Variants in CWH43 observed in about 807,000 individuals in gnomAD.
The protein encoded by CWH43 is cell wall biogenesis 43 C-terminal homolog.
A neutral mutation model predicts 85.7 loss-of-function variants in CWH43; 91 were observed. The observed-to-expected ratio is 1.06, with a 90% CI of 0.90 to 1.26. The LOEUF is 1.26. Ranked by LOEUF, CWH43 falls within the 50% of genes most tolerant of loss-of-function variation. The probability of loss-of-function intolerance (pLI) is 0.00; values close to 1 mark genes in which losing one functional copy is unlikely to be tolerated. For missense variants in CWH43, 869 were observed against 839.2 expected (o/e 1.04, Z -0.44); for synonymous variants, 323 against 293.6 (o/e 1.10, Z -1.02).
intron 15 of CWH43, among the ~76,000 whole-genome samples, chr4:49,060,333 G>A (rs145745905): frequency 3.3e-5 from 5 of 152,202 alleles, no homozygotes; most frequent in Admixed American, 6.5e-5. Context: ...GTTCTGGCCT[G>A]GAATCTGGGG....
intron 9 of CWH43, among the ~76,000 whole-genome samples, chr4:49,019,024 G>A (rs1255759416): frequency 3.3e-5 from 5 of 152,162 alleles, no homozygotes; most frequent in African/African-American, 4.8e-5. Flanking sequence ...ATTTGAATTG[G>A]ATTTAATACC....
intron 15 of CWH43, among the ~76,000 whole-genome samples, chr4:49,053,586 C>T (rs1784862719): frequency 6.6e-6 from 1 of 152,078 alleles, no homozygotes; most frequent in South Asian, 2.1e-4. Context: ...TGGATGTCTT[C>T]TTTTGAGAAA....
intron 9 of CWH43, among the ~76,000 whole-genome samples, chr4:49,024,746 T>C (rs1783853818): frequency 6.6e-6 from 1 of 152,194 alleles, no homozygotes; most frequent in East Asian, 1.9e-4. Flanking sequence ...TTTTTCTTTA[T>C]AGGTTACCTG....
chr4:49,050,081 C>T (rs1046565032), intron 14 of CWH43, among the ~76,000 whole-genome samples: 2 of 152,032 alleles, frequency 1.3e-5, no homozygotes, highest in Non-Finnish European at 2.9e-5. Flanking sequence ...TGAAGCTGAC[C>T]TAAGTCTTTT....
chr4:48,997,660 C>G (rs1333530321), intron 5 of CWH43, among the ~76,000 whole-genome samples: 1 of 152,136 alleles, frequency 6.6e-6, no homozygotes, highest in Non-Finnish European at 1.5e-5. Context: ...ATTTTAGATT[C>G]TTAGTCCTAT....
intron 12 of CWH43, among the ~76,000 whole-genome samples, chr4:49,036,819 G>A (rs1784275431): frequency 6.6e-6 from 1 of 152,126 alleles, no homozygotes. Context: ...GCTTCCTCTG[G>A]TGTCTCTGGG....
chr4:49,049,908 C>T (rs531785002), intron 14 of CWH43, among the ~76,000 whole-genome samples: 10 of 152,302 alleles, frequency 6.6e-5, no homozygotes, highest in African/African-American at 1.7e-4. Flanking sequence ...TTATTGTAAA[C>T]ATACATATGT....
intron 8 of CWH43, among the ~76,000 whole-genome samples, chr4:49,009,316 C>T (rs1283261276): frequency 1.3e-5 from 2 of 152,182 alleles, no homozygotes; most frequent in Non-Finnish European, 2.9e-5. Context: ...GATTTTTGCA[C>T]ACTGATTTTG....
intron 13 of CWH43, among the ~76,000 whole-genome samples, chr4:49,040,625 T>C (rs1434921256): frequency 6.6e-6 from 1 of 152,236 alleles, no homozygotes. Context: ...TTGAGTTCAT[T>C]GTAGATTCTG....
At chr4:49,022,353 A>G (rs1037065544) in intron 9 of CWH43, among the ~76,000 whole-genome samples, 1 of 152,148 alleles carries the variant, frequency 6.6e-6, no homozygotes, top group African/African-American at 2.4e-5. Flanking sequence ...TATCACATTT[A>G]TTGACTTACT....
chr4:48,994,759 CTT>C lies in CWH43; in HGVS notation c.653_654del (p.Leu218ArgfsTer17), dbSNP rs774042614. On this transcript the variant is annotated frameshift_variant, in exon 5 of 16. Coordinates refer to ENST00000226432, the MANE Select transcript of CWH43 (RefSeq NM_025087.3). LOFTEE classifies it high-confidence loss of function. ...CCACTGGGTTTTTGGAGAAGTCTCTCTTGTTTCCAGATGGGCAGTGAGTGGGC... is the reference window on the plus strand; with the variant it reads ...CCACTGGGTTTTTGGAGAAGTCTCTCGTTTCCAGATGGGCAGTGAGTGGGC... ...LTHWVFGEVSLVSRWAVSGHP... is the reference protein window; with the variant it reads ...LTHWVFGEVSXVSRWAVSGHP... 3.3e-5 allele frequency: 53 copies of C among 1,613,960 alleles called. No individual in the cohort carries two copies. In the African/African-American group the frequency reaches 6.7e-4, roughly 20 times the overall value.
chr4:49,000,384 CT>C (rs1209559333), intron 6 of CWH43, among the ~76,000 whole-genome samples: 2 of 152,094 alleles, frequency 1.3e-5, no homozygotes, highest in Non-Finnish European at 2.9e-5. Flanking sequence ...GTTTGTATTG[CT>C]TGTGTATTTT....
At position 49,028,091 on chromosome 4, in the gene CWH43, T is replaced by C. The variant is rs1267467957; in HGVS notation, c.1267-538T>C. ...GCAAGAGTAAACACTATCCTGAGTA[T>C]TGTGACTTTTTTTAGCACTTTCATG... On this transcript the variant is annotated intron_variant, in intron 9 of 15. Transcript: ENST00000226432. Among the ~76,000 whole-genome samples, 5 of 152,344 alleles carry C rather than the reference T, an allele frequency of 3.3e-5. No individual in the cohort carries two copies. In the East Asian group the frequency reaches 9.6e-4, roughly 29 times the overall value.
chr4:49,049,306 C>G (rs1784722969), intron 14 of CWH43, among the ~76,000 whole-genome samples: 1 of 152,118 alleles, frequency 6.6e-6, no homozygotes, highest in African/African-American at 2.4e-5. Flanking sequence ...GTTTCTGTTT[C>G]TATTTTGCAT....
intron 8 of CWH43, among the ~76,000 whole-genome samples, chr4:49,010,344 T>C (rs1783314434): frequency 1.3e-5 from 2 of 152,152 alleles, no homozygotes; most frequent in South Asian, 4.1e-4. Flanking sequence ...TTTTTTATCA[T>C]GTCTATTTGA....
rs1256509752 is a variant in CWH43 at position 48,991,539 on chromosome 4, A to T, written c.321A>T (p.Gln107His). The T allele has an allele frequency of 1.9e-6, 3 of 1,613,922 alleles. No homozygotes were observed. In the African/African-American group the frequency reaches 4.0e-5, roughly 22 times the overall value. Residue 107 changes from glutamine (Q) to histidine (H), a missense_variant, in exon 3 of 16, where the codon CAA becomes CAT. This residue lies in a region of CWH43 where 140 missense variants were observed against 122.6 expected (regional missense o/e 1.14). Transcript: ENST00000226432. ...ALGVSSSLIV[Q>H]AVTWWSGSHL... ...GGGTGTCTTCCTCACTGATAGTGCAAGCTGTGACTTGGTGGTCAGGAAGTC... is the reference window on the plus strand; with the variant it reads ...GGGTGTCTTCCTCACTGATAGTGCATGCTGTGACTTGGTGGTCAGGAAGTC...
intron 9 of CWH43, among the ~76,000 whole-genome samples, chr4:49,024,648 T>A (rs1290365306): frequency 6.6e-6 from 1 of 152,180 alleles, no homozygotes; most frequent in African/African-American, 2.4e-5. Context: ...GGCTGATAAT[T>A]TTTTGGTTTA....
At chr4:48,990,684 C>T in intron 2 of CWH43, among the ~76,000 whole-genome samples, 1 of 152,124 alleles carries the variant, frequency 6.6e-6, no homozygotes, top group East Asian at 1.9e-4. Flanking sequence ...TCACACATTA[C>T]TGGTAGAAAT....
chr4:49,013,720 A>G (rs1256059614), intron 8 of CWH43, among the ~76,000 whole-genome samples: 1 of 152,180 alleles, frequency 6.6e-6, no homozygotes, highest in East Asian at 1.9e-4. Context: ...CTTCTAACAT[A>G]GATAAGAGAA....
Sources: gnomAD v4.1 joint callset for allele counts (sites outside exome capture counted in the v4.1 genomes callset) on GRCh38, gnomAD v4.1.1 for gene constraint, gnomAD v4.1.1 regional missense constraint, MANE v1.5 for transcripts, NCBI Gene and HGNC (gene_info 2026-07-23, HGNC 2026-07-21) for gene names.